Variants in RANBP10 observed in about 807,000 individuals in gnomAD.
RANBP10 encodes the protein ran-binding protein 10.
In RANBP10, 24 loss-of-function variants were observed where a neutral mutation model predicts 72.8. The ratio of observed to expected loss-of-function variants is 0.33; its 90% CI spans 0.24 to 0.46. The LOEUF is 0.46. Among genes scored for constraint, RANBP10 ranks in the 20% least tolerant of loss-of-function variants. The probability of loss-of-function intolerance (pLI) is 1.00; values close to 1 mark genes in which losing one functional copy is unlikely to be tolerated. For missense variants in RANBP10, 679 were observed against 817.5 expected (o/e 0.83, Z 2.07); for synonymous variants, 310 against 322.3 (o/e 0.96, Z 0.41).
chr16:67,771,746 A>T (rs2054611221), intron 3 of RANBP10, among the ~76,000 whole-genome samples: 1 of 152,258 alleles, frequency 6.6e-6, no homozygotes, highest in Non-Finnish European at 1.5e-5. Context: ...CAATGGGAGC[A>T]AGGGCTACTG....
intron 3 of RANBP10, among the ~76,000 whole-genome samples, chr16:67,753,448 C>T (rs143729818): frequency 9.9e-5 from 15 of 152,252 alleles, no homozygotes; most frequent in Admixed American, 3.3e-4. Context: ...GAGCTATAAT[C>T]GTGCTATTGC....
At chr16:67,790,391 G>C (rs754989295) in intron 2 of RANBP10, among the ~76,000 whole-genome samples, 3 of 151,756 alleles carry the variant, frequency 2.0e-5, no homozygotes, top group Non-Finnish European at 4.4e-5. Context: ...GGTGATGGTT[G>C]CACAACATTG....
intron 3 of RANBP10, among the ~76,000 whole-genome samples, chr16:67,745,762 G>A (rs983757734): frequency 3.9e-5 from 6 of 152,016 alleles, no homozygotes; most frequent in Non-Finnish European, 7.4e-5. Flanking sequence ...GCTCATGCTT[G>A]TAATCCTAAC....
At chr16:67,774,910 G>A (rs1040810234) in intron 2 of RANBP10, among the ~76,000 whole-genome samples, 4 of 152,216 alleles carry the variant, frequency 2.6e-5, no homozygotes, top group Admixed American at 6.5e-5. Context: ...TAAAAAACAC[G>A]AATTGTACAC....
At position 67,725,909 on chromosome 16, in the gene RANBP10, C is replaced by A. The variant is rs2053588445; in HGVS notation, c.*519G>T. ...AAACATGGTGCCTGGACAGCCTCACCCAAGAGGTGCTGGACCACTAATGCT... is the reference window on the plus strand; with the variant it reads ...AAACATGGTGCCTGGACAGCCTCACACAAGAGGTGCTGGACCACTAATGCT... On this transcript the variant is annotated 3_prime_UTR_variant, in exon 14 of 14. Transcript: ENST00000317506. The A allele has an allele frequency of 6.6e-6, 1 of 152,046 alleles. No homozygotes were observed. The highest frequency in any genetic ancestry group is 1.5e-5 in the Non-Finnish European group (1 of 67,926). The allele number at this position is 152,046 out of a possible 1,614,324, so 9.4% of individuals were successfully genotyped here. A position where few individuals can be genotyped will look rare whatever the true frequency, so the allele number is the denominator to read the frequency against.
chr16:67,796,290 C>G (rs2055134080), intron 2 of RANBP10, among the ~76,000 whole-genome samples: 1 of 152,116 alleles, frequency 6.6e-6, no homozygotes, highest in South Asian at 2.1e-4. Context: ...ACAGGGCATT[C>G]CATTTTTTTA....
At chr16:67,749,031 G>T (rs550563360) in intron 3 of RANBP10, among the ~76,000 whole-genome samples, 1 of 152,248 alleles carries the variant, frequency 6.6e-6, no homozygotes, top group South Asian at 2.1e-4. Context: ...GCAGGGCAAG[G>T]CTCAAACATT....
chr16:67,791,655 G>GT (rs2055030496), intron 2 of RANBP10, among the ~76,000 whole-genome samples: 1 of 152,076 alleles, frequency 6.6e-6, no homozygotes, highest in Admixed American at 6.6e-5. Context: ...GTTTCATCTT[G>GT]ACATCTAATA....
chr16:67,784,044 CAAAAAAAAAAA>C lies in RANBP10; in HGVS notation c.348-11969_348-11959del, dbSNP rs747315565. Among the ~76,000 whole-genome samples the C allele has an allele frequency of 2.6e-4, 13 of 50,302 alleles. 1 individual carries two copies. The highest frequency in any genetic ancestry group is 1.8e-3 in the Admixed American group (11 of 5,966). The allele number at this position is 50,302 out of a possible 152,430, so 33.0% of individuals were successfully genotyped here. On this transcript the variant is annotated intron_variant, in intron 2 of 13. Coordinates refer to ENST00000317506, the MANE Select transcript of RANBP10 (RefSeq NM_020850.3). ...AGTGACAGAGAGAGAGACTCCGTCT[CAAAAAAAAAAA>C]AAAAAAAAAGACATCAAAGGAAAAG...
intron 2 of RANBP10, among the ~76,000 whole-genome samples, chr16:67,772,542 T>C (rs989125910): frequency 2.0e-5 from 3 of 152,112 alleles, no homozygotes; most frequent in Admixed American, 1.3e-4. Flanking sequence ...TGGATCTACA[T>C]AGGATCATCA....
chr16:67,761,142 A>G (rs1433236071), intron 3 of RANBP10, among the ~76,000 whole-genome samples: 1 of 152,226 alleles, frequency 6.6e-6, no homozygotes, highest in Non-Finnish European at 1.5e-5. Context: ...TTTCACACCT[A>G]AGAAGGCCAA....
intron 2 of RANBP10, among the ~76,000 whole-genome samples, chr16:67,799,679 C>T (rs2055200762): frequency 6.6e-6 from 1 of 152,158 alleles, no homozygotes. Context: ...CTTTCCAGAG[C>T]CCACATCACC....
At chr16:67,765,093 T>C (rs1301564084) in intron 3 of RANBP10, among the ~76,000 whole-genome samples, 3 of 149,602 alleles carry the variant, frequency 2.0e-5, no homozygotes, top group East Asian at 3.9e-4. Flanking sequence ...ACCCAGCACT[T>C]TGGGAGGCTG....
chr16:67,788,372 C>T lies in RANBP10; in HGVS notation c.348-16286G>A, dbSNP rs1481990588. On this transcript the variant is annotated intron_variant, in intron 2 of 13. Transcript: ENST00000317506. ...GGTTCACACCATTCTCCTGCCTCAG[C>T]CTCTCGAGTAGCTGGGACTATAGGC... is the stretch of plus-strand genomic sequence containing the variant. Among the ~76,000 whole-genome samples the T allele has an allele frequency of 2.0e-5, 3 of 151,676 alleles. 1 individual carries two copies. Among genetic ancestry groups the T allele is most frequent in the African/African-American group, 7.3e-5 (3 of 41,060 alleles).
Position 67,730,706 on chromosome 16 carries a change from C to G in RANBP10, c.890-660G>C, listed in dbSNP as rs2053711824. ...CATTCATAGATCCCAAGTCTGGGAT[C>G]CCTTTCCGTCTGTCTGGCTGAGCAC... On this transcript the variant is annotated intron_variant, in intron 7 of 13. Transcript: ENST00000317506. The surrounding 1 kb of genome is among the most constrained non-coding windows in gnomAD (Gnocchi z 4.3). Among the ~76,000 whole-genome samples the G allele has an allele frequency of 6.6e-6, 1 of 152,146 alleles. No homozygotes were observed. Among genetic ancestry groups the G allele is most frequent in the East Asian group, 1.9e-4 (1 of 5,190 alleles).
chr16:67,733,258 C>A (rs558452169), intron 6 of RANBP10, among the ~76,000 whole-genome samples: 207 of 152,024 alleles, frequency 1.4e-3, no homozygotes, highest in Non-Finnish European at 2.5e-3. Context: ...CCCAGCTACT[C>A]AGGAGACTGA....
intron 3 of RANBP10, among the ~76,000 whole-genome samples, chr16:67,745,460 G>A (rs2054053355): frequency 1.3e-5 from 2 of 151,246 alleles, no homozygotes; most frequent in Admixed American, 6.6e-5. Flanking sequence ...TCAGCCTCTG[G>A]AGTAACTGGG....
At chr16:67,741,116 C>T (rs1408908562) in intron 4 of RANBP10, among the ~76,000 whole-genome samples, 1 of 152,148 alleles carries the variant, frequency 6.6e-6, no homozygotes, top group Non-Finnish European at 1.5e-5. Flanking sequence ...GAGATAATAT[C>T]GATATCTCGA....
intron 3 of RANBP10, among the ~76,000 whole-genome samples, chr16:67,760,509 A>G (rs1368380758): frequency 2.0e-5 from 3 of 152,188 alleles, no homozygotes; most frequent in African/African-American, 7.2e-5. Context: ...TAGGGGAAGG[A>G]AAGATGCTCA....
Sources: allele counts gnomAD v4.1 joint callset (sites outside exome capture counted in the v4.1 genomes callset), GRCh38; gene constraint gnomAD v4.1.1; non-coding constraint Gnocchi (gnomAD v3.1); transcripts MANE v1.5; gene names NCBI Gene and HGNC (gene_info 2026-07-23, HGNC 2026-07-21).